Variants in CDH12 observed in about 807,000 individuals in gnomAD.
CDH12 encodes cadherin 12, also known as cadherin-12.
In CDH12, 41 loss-of-function variants were observed where a neutral mutation model predicts 74.1. That is an observed-to-expected ratio of 0.55 (90% CI 0.43 to 0.72). The LOEUF is 0.72. Ranked by LOEUF, CDH12 falls within the 30% of genes least tolerant of loss-of-function variation. The pLI is 0.00. For missense variants in CDH12, 945 were observed against 977.2 expected, an observed-to-expected ratio of 0.97 and a Z score of 0.44; for synonymous variants, 399 against 355.0, an observed-to-expected ratio of 1.12 and a Z score of -1.39.
At chr5:22,236,140 T>C (rs1752551772) in intron 3 of CDH12, among the ~76,000 whole-genome samples, 2 of 152,220 alleles carry the variant, frequency 1.3e-5, no homozygotes, top group South Asian at 4.1e-4. Flanking sequence ...GAGTAGTGTG[T>C]GAGCAGCGAA....
At chr5:21,776,222 C>G (rs190734806) in intron 11 of CDH12, among the ~76,000 whole-genome samples, 1 of 152,142 alleles carries the variant, frequency 6.6e-6, no homozygotes, top group Non-Finnish European at 1.5e-5. Context: ...AATAGTTGCT[C>G]GTCCAACAGC....
chr5:21,758,922 A>G (rs1582958), intron 13 of CDH12, among the ~76,000 whole-genome samples: 90,632 of 151,894 alleles, frequency 0.6, 29,595 homozygotes, highest in Non-Finnish European at 0.73. Flanking sequence ...AACTTTGGGA[A>G]CACAGAACAC....
intron 1 of CDH12, among the ~76,000 whole-genome samples, chr5:22,625,938 C>T (rs1738266694): frequency 6.6e-6 from 1 of 152,108 alleles, no homozygotes; most frequent in African/African-American, 2.4e-5. Flanking sequence ...TGTCAGTATA[C>T]ACACTTGGGT....
chr5:22,221,288 A>G, intron 3 of CDH12, among the ~76,000 whole-genome samples: 1 of 151,946 alleles, frequency 6.6e-6, no homozygotes. Context: ...CTTGTCACCC[A>G]ACTTCATCAT....
At chr5:22,430,287 T>G (rs1326070783) in intron 2 of CDH12, among the ~76,000 whole-genome samples, 1 of 152,070 alleles carries the variant, frequency 6.6e-6, no homozygotes, top group African/African-American at 2.4e-5. Flanking sequence ...TGGGATCACT[T>G]GAACCTCACG....
chr5:22,577,746 A>G (rs189880414), intron 1 of CDH12, among the ~76,000 whole-genome samples: 3 of 152,324 alleles, frequency 2.0e-5, no homozygotes, highest in Non-Finnish European at 4.4e-5. Context: ...GATTACTGTT[A>G]TTATCCCAAG....
At chr5:22,782,761 T>C (rs150421122) in intron 1 of CDH12, among the ~76,000 whole-genome samples, 179 of 152,308 alleles carry the variant, frequency 1.2e-3, no homozygotes, top group Non-Finnish European at 2.1e-3. Context: ...TACCTGCTTT[T>C]AATTACATAT....
intron 1 of CDH12, among the ~76,000 whole-genome samples, chr5:22,512,344 G>C (rs1278792762): frequency 6.6e-6 from 1 of 152,130 alleles, no homozygotes; most frequent in Admixed American, 6.5e-5. Flanking sequence ...AAATCCTCTT[G>C]TAATTAGCTA....
intron 1 of CDH12, among the ~76,000 whole-genome samples, chr5:22,515,658 G>T (rs1011716367): frequency 6.6e-6 from 1 of 151,974 alleles, no homozygotes; most frequent in African/African-American, 2.4e-5. Flanking sequence ...AAATAACAGG[G>T]AATCATAGAC....
At chr5:22,478,351 G>A (rs1230252826) in intron 2 of CDH12, among the ~76,000 whole-genome samples, 5 of 143,508 alleles carry the variant, frequency 3.5e-5, no homozygotes, top group African/African-American at 1.3e-4. Context: ...CTGGGAGGCG[G>A]AGCTTTCAGT....
chr5:22,388,642 T>C (rs1742103379), intron 3 of CDH12, among the ~76,000 whole-genome samples: 1 of 152,172 alleles, frequency 6.6e-6, no homozygotes, highest in Non-Finnish European at 1.5e-5. Context: ...TGTCATATTA[T>C]GTACAATAGT....
At chr5:22,849,309 G>A (rs2126538784) in intron 1 of CDH12, among the ~76,000 whole-genome samples, 1 of 152,168 alleles carries the variant, frequency 6.6e-6, no homozygotes, top group South Asian at 2.1e-4. Context: ...CTCAAGTTTT[G>A]AACTTTCCAC....
intron 4 of CDH12, among the ~76,000 whole-genome samples, chr5:22,130,837 T>C (rs1013741309): frequency 6.6e-6 from 1 of 152,066 alleles, no homozygotes; most frequent in Non-Finnish European, 1.5e-5. Context: ...TCACATGCCC[T>C]CACCATCTCA....
chr5:22,486,826 A>T (rs1227997895), intron 2 of CDH12, among the ~76,000 whole-genome samples: 1 of 152,050 alleles, frequency 6.6e-6, no homozygotes, highest in Non-Finnish European at 1.5e-5. Context: ...AGACATAATT[A>T]TGGGTAATTA....
At chr5:22,209,984 C>T (rs1418830235) in intron 4 of CDH12, among the ~76,000 whole-genome samples, 1 of 150,378 alleles carries the variant, frequency 6.6e-6, no homozygotes, top group Non-Finnish European at 1.5e-5. Flanking sequence ...TCTCAGATTC[C>T]AGCTTTCCTT....
chr5:21,999,172 C>G (rs1375074675), intron 5 of CDH12, among the ~76,000 whole-genome samples: 1 of 151,918 alleles, frequency 6.6e-6, no homozygotes, highest in Non-Finnish European at 1.5e-5. Context: ...TGAGACTTAC[C>G]AATTTTTCTT....
intron 1 of CDH12, among the ~76,000 whole-genome samples, chr5:22,745,772 G>A (rs1745263742): frequency 6.6e-6 from 1 of 152,088 alleles, no homozygotes. Flanking sequence ...GAGAGTGGAG[G>A]GTGGGAGGAA....
chr5:22,772,391 C>A (rs1356454472), intron 1 of CDH12, among the ~76,000 whole-genome samples: 4 of 151,906 alleles, frequency 2.6e-5, no homozygotes, highest in Non-Finnish European at 1.5e-5. Context: ...TGAAAAACCA[C>A]CCAGAATCAC....
intron 5 of CDH12, among the ~76,000 whole-genome samples, chr5:22,040,897 TGA>T (rs1739526514): frequency 6.6e-6 from 1 of 151,988 alleles, no homozygotes; most frequent in South Asian, 2.1e-4. Flanking sequence ...GTGGCCAAAT[TGA>T]GAATACCCCA....
Sources: allele counts gnomAD v4.1 joint callset (sites outside exome capture counted in the v4.1 genomes callset), GRCh38; gene constraint gnomAD v4.1.1; transcripts MANE v1.5; gene names NCBI Gene and HGNC (gene_info 2026-07-23, HGNC 2026-07-21).